ATP6V0D2: variants seen among roughly 807,000 people sequenced by gnomAD.
ATP6V0D2 encodes V-type proton ATPase subunit d 2.
In ATP6V0D2, 40 loss-of-function variants were observed where a neutral mutation model predicts 40.0. The ratio of observed to expected loss-of-function variants is 1.00; its 90% CI spans 0.78 to 1.30. The LOEUF is 1.30. Ranked by LOEUF, ATP6V0D2 falls within the 50% of genes most tolerant of loss-of-function variation. The pLI is 0.00. For missense variants in ATP6V0D2, 470 were observed against 423.1 expected (o/e 1.11, Z -0.97); for synonymous variants, 179 against 156.3 (o/e 1.15, Z -1.08).
chr8:86,131,603 TG>T (rs1428819082), intron 2 of ATP6V0D2, among the ~76,000 whole-genome samples: 1 of 151,452 alleles, frequency 6.6e-6, no homozygotes, highest in Non-Finnish European at 1.5e-5. Flanking sequence ...CGGGTTCAAG[TG>T]ATTCTCTTGC....
intron 2 of ATP6V0D2, among the ~76,000 whole-genome samples, chr8:86,129,010 GATGATGTGGCTTATAA>G (rs2130257581): frequency 1.3e-5 from 2 of 152,348 alleles, no homozygotes; most frequent in South Asian, 4.1e-4. Context: ...TTACATTAAA[GATGATGTGGCTTATAA>G]TTTCCTGCAA....
intron 1 of ATP6V0D2, among the ~76,000 whole-genome samples, chr8:86,110,082 GTTTTA>G (rs1180740816): frequency 1.3e-5 from 2 of 152,094 alleles, no homozygotes; most frequent in African/African-American, 4.8e-5. Flanking sequence ...GCAACATGAT[GTTTTA>G]TTTTATTTTA....
intron 2 of ATP6V0D2, among the ~76,000 whole-genome samples, chr8:86,115,358 A>ATATT (rs1818579475): frequency 5.5e-5 from 4 of 73,280 alleles, no homozygotes; most frequent in Non-Finnish European, 7.2e-5. Flanking sequence ...CGTATCATCC[A>ATATT]TTTTTTTTTT....
intron 2 of ATP6V0D2, among the ~76,000 whole-genome samples, chr8:86,135,633 A>G (rs958055951): frequency 2.6e-5 from 4 of 152,238 alleles, no homozygotes; most frequent in Non-Finnish European, 5.9e-5. Context: ...CAGCATTTAA[A>G]GATTTTTTAA....
rs753540795 is a variant in ATP6V0D2 at position 86,110,881 on chromosome 8, C to T, written c.131-2828C>T. 2.6e-5 allele frequency among the ~76,000 whole-genome samples: 4 copies of T among 152,062 alleles called. No individual in the cohort carries two copies. In the East Asian group the frequency reaches 5.8e-4, roughly 22 times the overall value. ...ACAGGACAGGACTGGCATCATAAGA[C>T]CTCCGCCAGGCAGGTAAATTTGGAA... On this transcript the variant is annotated intron_variant, in intron 1 of 7. Coordinates refer to ENST00000285393, the MANE Select transcript of ATP6V0D2 (RefSeq NM_152565.1).
At chr8:86,125,834 G>GTCCTTTTAAAATGTA (rs1352054142) in intron 2 of ATP6V0D2, among the ~76,000 whole-genome samples, 1 of 151,664 alleles carries the variant, frequency 6.6e-6, no homozygotes, top group Non-Finnish European at 1.5e-5. Flanking sequence ...TCCACAATTT[G>GTCCTTTTAAAATGTA]TCCTTTTAAA....
intron 2 of ATP6V0D2, among the ~76,000 whole-genome samples, chr8:86,137,853 C>T (rs1425239602): frequency 2.0e-5 from 3 of 152,250 alleles, no homozygotes; most frequent in African/African-American, 7.2e-5. Context: ...CTCTCTGGGC[C>T]TCTGGTTTCT....
At chr8:86,145,190 G>GA (rs1819033107) in intron 5 of ATP6V0D2, among the ~76,000 whole-genome samples, 1 of 12,356 alleles carries the variant, frequency 8.1e-5, no homozygotes, top group Non-Finnish European at 1.7e-4. Flanking sequence ...GAGAAAGAAA[G>GA]AAAGAAAAGA....
At position 86,151,475 on chromosome 8, in the gene ATP6V0D2, C is replaced by T. The variant is rs1819151397; in HGVS notation, c.826C>T (p.Pro276Ser). The T allele has an allele frequency of 6.2e-7, 1 of 1,601,934 alleles. No homozygotes were observed. The highest frequency in any genetic ancestry group is 1.3e-5 in the African/African-American group (1 of 74,264). The stretch of plus-strand genomic sequence containing the variant: ...TGTCTTTGTTTTTAAGGTATACAAA[C>T]CTTTATTTGAAGCTGTAGGTGGCAG... ...NVADHYGVYK[P>S]LFEAVGGSGG... Residue 276 changes from proline to serine, a missense_variant, in exon 7 of 8, where the codon CCT becomes TCT. Transcript: ENST00000285393.
At chr8:86,145,257 GAAAGAAAGAAAGAAAGAA>G (rs1819041927) in intron 5 of ATP6V0D2, among the ~76,000 whole-genome samples, 1 of 47,532 alleles carries the variant, frequency 2.1e-5, no homozygotes, top group Non-Finnish European at 4.0e-5. Context: ...GAGAGAGAGA[GAAAGAAAGAAAGAAAGAA>G]AGAAAGAAAG....
chr8:86,129,899 C>T (rs1818795521), intron 2 of ATP6V0D2, among the ~76,000 whole-genome samples: 1 of 149,982 alleles, frequency 6.7e-6, no homozygotes, highest in Non-Finnish European at 1.5e-5. Flanking sequence ...ATTGCTTGAG[C>T]CCAGGAGGTC....
rs564384965 is a variant in ATP6V0D2, at chr8:86,115,358, A to ATTTTTTTTTTTTTTTTTTTTTTTTTTT, written c.302+1480_302+1506dup. On this transcript the variant is annotated intron_variant, in intron 2 of 7. Coordinates refer to ENST00000285393, the MANE Select transcript of ATP6V0D2 (RefSeq NM_152565.1). ...CTTTCTTTGTCCTTCCGTATCATCC[A>ATTTTTTTTTTTTTTTTTTTTTTTTTTT]TTTTTTTTTTTTTTTTTTTTTTTTT... Among the ~76,000 whole-genome samples the ATTTTTTTTTTTTTTTTTTTTTTTTTTT allele has an allele frequency of 5.5e-5, 4 of 73,278 alleles. 1 individual carries two copies. Among genetic ancestry groups the ATTTTTTTTTTTTTTTTTTTTTTTTTTT allele is most frequent in the African/African-American group, 2.2e-4 (4 of 17,846 alleles). The allele number at this position is 73,278 out of a possible 152,430, so 48.1% of individuals were successfully genotyped here.
At chr8:86,108,498 G>A (rs1199440907) in intron 1 of ATP6V0D2, among the ~76,000 whole-genome samples, 2 of 152,208 alleles carry the variant, frequency 1.3e-5, no homozygotes, top group African/African-American at 4.8e-5. Flanking sequence ...TTTTGTAGAT[G>A]AGGAAACTGA....
intron 2 of ATP6V0D2, among the ~76,000 whole-genome samples, chr8:86,116,233 A>G (rs1323579307): frequency 6.6e-6 from 1 of 152,212 alleles, no homozygotes; most frequent in African/African-American, 2.4e-5. Flanking sequence ...GTGTTATTCC[A>G]GAAAAATACT....
At position 86,152,687 on chromosome 8, in the gene ATP6V0D2, C is replaced by T. The variant is rs540264817; in HGVS notation, c.892-129C>T. On this transcript the variant is annotated intron_variant, in intron 7 of 7. Coordinates refer to ENST00000285393, the MANE Select transcript of ATP6V0D2 (RefSeq NM_152565.1). Reference sequence around the variant, plus strand: ...GTTGTCACCATACTCCTCTATTTGGCCCAATTTAGAGATTGCCTGTTTAAA... The same window carrying T: ...GTTGTCACCATACTCCTCTATTTGGTCCAATTTAGAGATTGCCTGTTTAAA... 3.3e-5 allele frequency: 27 copies of T among 815,794 alleles called. No individual in the cohort carries two copies. The South Asian group carries it at 7.2e-4, about 22-fold the overall frequency. 50.5% of individuals were successfully genotyped at this position (815,794 alleles called of 1,614,324 possible). A position where few individuals can be genotyped will look rare whatever the true frequency, so the allele number is the denominator to read the frequency against.
At chr8:86,125,204 C>T (rs1381959320) in intron 2 of ATP6V0D2, among the ~76,000 whole-genome samples, 1 of 152,180 alleles carries the variant, frequency 6.6e-6, no homozygotes, top group East Asian at 1.9e-4. Flanking sequence ...GCTACAACAA[C>T]AGTTTTGAGT....
chr8:86,120,436 A>T (rs564764191), intron 2 of ATP6V0D2, among the ~76,000 whole-genome samples: 2 of 152,084 alleles, frequency 1.3e-5, no homozygotes, highest in South Asian at 4.2e-4. Flanking sequence ...AAACACTTTG[A>T]AGTCAGGTGT....
chr8:86,099,241 T>G, intron 1 of ATP6V0D2, 133 bp downstream of exon 1: 1 of 953,394 alleles, frequency 1.0e-6, no homozygotes, highest in Non-Finnish European at 1.4e-6. Flanking sequence ...ATTCCTGCAG[T>G]CCAGATTTCT....
chr8:86,122,208 C>G (rs548197098), intron 2 of ATP6V0D2, among the ~76,000 whole-genome samples: 1 of 152,154 alleles, frequency 6.6e-6, no homozygotes, highest in Non-Finnish European at 1.5e-5. Context: ...TTCAAAGTAT[C>G]CCACCTCAGA....
Sources: gnomAD v4.1 joint callset for allele counts (sites outside exome capture counted in the v4.1 genomes callset) on GRCh38, gnomAD v4.1.1 for gene constraint, MANE v1.5 for transcripts, NCBI Gene and HGNC (gene_info 2026-07-23, HGNC 2026-07-21) for gene names.